Variants in CHMP5 observed in about 807,000 individuals in gnomAD.
CHMP5 encodes SNF7 domain containing 2.
CHMP5 carries 17 observed loss-of-function variants against 33.0 expected under a neutral mutation model. The observed-to-expected ratio is 0.52, with a 90% CI of 0.35 to 0.77. The LOEUF is 0.77. Ranked by LOEUF, CHMP5 falls within the 30% of genes least tolerant of loss-of-function variation. The pLI, the probability that CHMP5 is intolerant of heterozygous loss-of-function variation, is 0.01. For missense variants in CHMP5, 216 were observed against 261.5 expected (o/e 0.83, Z 1.20); for synonymous variants, 76 against 90.2 (o/e 0.84, Z 0.89).
In CHMP5 at chr9:33,276,318, G is replaced by A. The variant is rs7031547; in HGVS notation, c.388-138G>A. The stretch of plus-strand genomic sequence containing the variant: ...GGTGAACTAACAGTTGTTGAGAACT[G>A]TTTATGTGCTTGGCATTTTATATAC... On this transcript the variant is annotated intron_variant, in intron 5 of 7. Transcript: ENST00000223500. 7.7e-3 allele frequency: 4,487 copies of A among 584,228 alleles called. 179 individuals carry two copies. Among genetic ancestry groups the A allele is most frequent in the African/African-American group, 0.076 (4,052 of 53,034 alleles). 36.2% of individuals were successfully genotyped at this position (584,228 alleles called of 1,614,324 possible).
In CHMP5 at chr9:33,275,562, A is replaced by G. The variant is rs541870231; in HGVS notation, c.388-894A>G. Among the ~76,000 whole-genome samples, 13 of 152,332 alleles carry G rather than the reference A, an allele frequency of 8.5e-5. No homozygotes were observed. The South Asian group carries it at 2.5e-3, about 29-fold the overall frequency. ...TTGAGAAGAATAATTTGCTTGTCTC[A>G]GTAACCTCCCTGTCTTCATTAACTA... is the stretch of plus-strand genomic sequence containing the variant. On this transcript the variant is annotated intron_variant, in intron 5 of 7. Transcript: ENST00000223500.
At chr9:33,280,313 C>G (rs1315994286) in intron 7 of CHMP5, among the ~76,000 whole-genome samples, 1 of 152,166 alleles carries the variant, frequency 6.6e-6, no homozygotes, top group Non-Finnish European at 1.5e-5. Flanking sequence ...AAAAGAATGG[C>G]TACTCCATAG....
At position 33,276,495 on chromosome 9, in the gene CHMP5, A is replaced by G; in HGVS notation, c.427A>G (p.Asn143Asp). The change falls in exon 6 of 8, where the codon AAT (asparagine) becomes GAT (aspartate). Residue 143 changes from asparagine (N) to aspartate (D), a missense_variant. Transcript: ENST00000223500. ...GCTAGAGGATATGATGGAAGATGCA[A>G]ATGAAATCCAAGAAGCACTGAGTCG... is the stretch of plus-strand genomic sequence containing the variant. Reference protein sequence around the residue: ...DQLEDMMEDANEIQEALSRSY... With the variant: ...DQLEDMMEDADEIQEALSRSY... The G allele has an allele frequency of 1.2e-6, 2 of 1,611,650 alleles. No homozygotes were observed. The highest frequency in any genetic ancestry group is 1.7e-6 in the Non-Finnish European group (2 of 1,178,008).
At chr9:33,265,957 C>T (rs1280761841) in intron 1 of CHMP5, 53 bp from the exon 2 acceptor site, 1 of 1,187,314 alleles carries the variant, frequency 8.4e-7, no homozygotes, top group Non-Finnish European at 1.3e-6. Context: ...CCTGCCCCTT[C>T]TGGAATAAGT....
At chr9:33,270,144 A>G (rs1198535077) in intron 3 of CHMP5, among the ~76,000 whole-genome samples, 2 of 152,168 alleles carry the variant, frequency 1.3e-5, no homozygotes, top group African/African-American at 2.4e-5. Flanking sequence ...ATAATACTGT[A>G]TTTTTACTGT....
intron 7 of CHMP5, among the ~76,000 whole-genome samples, chr9:33,278,746 C>T (rs1289509172): frequency 6.6e-6 from 1 of 151,662 alleles, no homozygotes; most frequent in East Asian, 1.9e-4. Context: ...TAATTTAAGG[C>T]AAAAGAATCA....
At chr9:33,269,595 A>C (rs1339001573) in intron 3 of CHMP5, among the ~76,000 whole-genome samples, 1 of 152,200 alleles carries the variant, frequency 6.6e-6, no homozygotes, top group East Asian at 1.9e-4. Context: ...TATATGTATG[A>C]AGAGCCTTAA....
In CHMP5 at chr9:33,266,123, G is replaced by A. The variant is rs755164507; in HGVS notation, c.174+9G>A. Reference sequence around the variant, plus strand: ...GAGAGGGTCCTGCAAAGGTAAGGTGGGCAGCAACTGCTGCACAAGGTGCTG... The same window carrying A: ...GAGAGGGTCCTGCAAAGGTAAGGTGAGCAGCAACTGCTGCACAAGGTGCTG... On this transcript the variant is annotated intron_variant, in intron 2 of 7. Transcript: ENST00000223500. The A allele has an allele frequency of 7.7e-6, 12 of 1,566,930 alleles. No homozygotes were observed. Among genetic ancestry groups the A allele is most frequent in the Non-Finnish European group, 1.1e-5 (12 of 1,137,860 alleles).
intron 4 of CHMP5, 63 bp from the exon 5 acceptor site, chr9:33,271,089 A>T: frequency 3.2e-6 from 4 of 1,268,782 alleles, no homozygotes; most frequent in Non-Finnish European, 4.5e-6. Flanking sequence ...TAAATAAATA[A>T]ATAAAGACAA....
At chr9:33,269,866 C>T (rs903536034) in intron 3 of CHMP5, among the ~76,000 whole-genome samples, 4 of 150,892 alleles carry the variant, frequency 2.7e-5, no homozygotes, top group East Asian at 2.0e-4. Context: ...CCAGCTACTC[C>T]GGAGGCTGAG....
intron 5 of CHMP5, among the ~76,000 whole-genome samples, chr9:33,274,684 C>T (rs1428187779): frequency 4.6e-5 from 7 of 152,218 alleles, no homozygotes; most frequent in Middle Eastern, 3.4e-3. Flanking sequence ...GGCGCGATCT[C>T]GGCTCACTGC....
At chr9:33,280,258 T>C (rs1372038037) in intron 7 of CHMP5, among the ~76,000 whole-genome samples, 3 of 152,212 alleles carry the variant, frequency 2.0e-5, no homozygotes, top group Non-Finnish European at 4.4e-5. Context: ...ATTACAGGCC[T>C]GAGCCACCGC....
chr9:33,272,749 A>G (rs1820809802), intron 5 of CHMP5, among the ~76,000 whole-genome samples: 2 of 151,934 alleles, frequency 1.3e-5, no homozygotes, highest in Non-Finnish European at 2.9e-5. Context: ...GCAGTGAGCC[A>G]AGATTGCGCC....
At chr9:33,280,751 CT>C (rs975719721) in intron 7 of CHMP5, 57 bp from the exon 8 acceptor site, 63,444 of 975,864 alleles carry the variant, frequency 0.065, no homozygotes, top group South Asian at 0.1. Flanking sequence ...GTTTGTAATC[CT>C]TTTTTTTTTT....
chr9:33,272,976 TTTG>T (rs748198575), intron 5 of CHMP5, among the ~76,000 whole-genome samples: 3 of 152,130 alleles, frequency 2.0e-5, no homozygotes, highest in Non-Finnish European at 4.4e-5. Context: ...CTTGTCTTTT[TTTG>T]TTGTTGTTGT....
intron 3 of CHMP5, 31 bp from the exon 4 acceptor site, chr9:33,270,592 A>G: frequency 6.7e-7 from 1 of 1,501,192 alleles, no homozygotes; most frequent in Non-Finnish European, 9.3e-7. Context: ...TCTGGTTCAT[A>G]TATTTGCCAT....
At chr9:33,276,692 C>G (rs1447300484) in intron 6 of CHMP5, 128 bp downstream of exon 6, 3 of 608,960 alleles carry the variant, frequency 4.9e-6, no homozygotes, top group Non-Finnish European at 2.9e-6. Flanking sequence ...ATGGTACTGT[C>G]CCTGGGCAAA....
chr9:33,273,099 A>G (rs1222469164), intron 5 of CHMP5, among the ~76,000 whole-genome samples: 1 of 151,984 alleles, frequency 6.6e-6, no homozygotes, highest in East Asian at 1.9e-4. Flanking sequence ...CCTTCCAGAT[A>G]GCTGGGATTA....
At chr9:33,273,843 G>A (rs1196195619) in intron 5 of CHMP5, among the ~76,000 whole-genome samples, 3 of 151,780 alleles carry the variant, frequency 2.0e-5, no homozygotes, top group Admixed American at 6.6e-5. Flanking sequence ...TAGATGATCC[G>A]GGAAGATGTG....
Sources: gnomAD v4.1 joint callset for allele counts (sites outside exome capture counted in the v4.1 genomes callset) on GRCh38, gnomAD v4.1.1 for gene constraint, MANE v1.5 for transcripts, NCBI Gene and HGNC (gene_info 2026-07-23, HGNC 2026-07-21) for gene names.